SGCD: variants seen among roughly 807,000 people sequenced by gnomAD.
The protein encoded by SGCD is delta-sarcoglycan.
SGCD carries 18 observed loss-of-function variants against 36.6 expected under a neutral mutation model. The ratio of observed to expected loss-of-function variants is 0.49; its 90% CI spans 0.34 to 0.73. SGCD has a LOEUF of 0.73. Ranked by LOEUF, SGCD falls within the 30% of genes least tolerant of loss-of-function variation. The pLI is 0.01. For missense variants in SGCD, 387 were observed against 346.7 expected (o/e 1.12, Z -0.92); for synonymous variants, 133 against 130.6 (o/e 1.02, Z -0.12).
chr5:156,123,693 A>G (rs1221492925), intron 2 of SGCD, among the ~76,000 whole-genome samples: 1 of 152,144 alleles, frequency 6.6e-6, no homozygotes, highest in Non-Finnish European at 1.5e-5. Flanking sequence ...TCTTTAATTC[A>G]GTCAAGACTG....
chr5:156,197,544 A>T (rs2127635417), intron 3 of SGCD, among the ~76,000 whole-genome samples: 1 of 150,348 alleles, frequency 6.7e-6, no homozygotes, highest in South Asian at 2.1e-4. Context: ...AGAGCCAGAG[A>T]AGTAAAAGTG....
At chr5:156,179,658 A>G (rs1581150686) in intron 3 of SGCD, among the ~76,000 whole-genome samples, 1 of 131,930 alleles carries the variant, frequency 7.6e-6, no homozygotes, top group African/African-American at 2.9e-5. Flanking sequence ...TTCTCACTCT[A>G]TTGCCCAGGC....
chr5:156,353,217 A>G (rs1161356882), intron 3 of SGCD, among the ~76,000 whole-genome samples: 1 of 152,224 alleles, frequency 6.6e-6, no homozygotes, highest in Non-Finnish European at 1.5e-5. Flanking sequence ...CACTTAGAAT[A>G]TGTTTATTGA....
At position 156,489,708 on chromosome 5, in the gene SGCD, C is replaced by T. The variant is rs532782798; in HGVS notation, c.193-18893C>T. On this transcript the variant is annotated intron_variant, in intron 3 of 8. Coordinates refer to ENST00000337851, the MANE Select transcript of SGCD (RefSeq NM_000337.6). ...GAAACACAGCATACCTAAACCTATGCGATACAGGAAAAGCAGCACTAAGAG... is the reference window on the plus strand; with the variant it reads ...GAAACACAGCATACCTAAACCTATGTGATACAGGAAAAGCAGCACTAAGAG... Among the ~76,000 whole-genome samples, 15 of 151,874 alleles carry T rather than the reference C, an allele frequency of 9.9e-5. No homozygotes were observed. The South Asian group carries it at 2.1e-3, about 21-fold the overall frequency.
chr5:156,737,720 A>G (rs1048654910), intron 7 of SGCD, among the ~76,000 whole-genome samples: 5 of 152,180 alleles, frequency 3.3e-5, no homozygotes, highest in Admixed American at 2.0e-4. Flanking sequence ...CTCTTACATT[A>G]TAATCATATG....
chr5:156,245,575 G>A (rs1367160446), intron 3 of SGCD, among the ~76,000 whole-genome samples: 1 of 152,104 alleles, frequency 6.6e-6, no homozygotes, highest in African/African-American at 2.4e-5. Flanking sequence ...ATTCCTTAAT[G>A]TAAAGCAATA....
chr5:155,743,569 ATAAAT>A, the SGCD span, among the ~76,000 whole-genome samples: 1 of 152,220 alleles, frequency 6.6e-6, no homozygotes, highest in Non-Finnish European at 1.5e-5. Context: ...TCTTACAACA[ATAAAT>A]TAAAAACAAA....
intron 3 of SGCD, among the ~76,000 whole-genome samples, chr5:156,199,979 C>T: frequency 6.6e-6 from 1 of 152,072 alleles, no homozygotes; most frequent in East Asian, 1.9e-4. Context: ...TTCTAGGAAT[C>T]TACTAAAGGC....
intron 6 of SGCD, among the ~76,000 whole-genome samples, chr5:156,632,045 T>C (rs1762658275): frequency 6.6e-6 from 1 of 152,202 alleles, no homozygotes; most frequent in South Asian, 2.1e-4. Context: ...CACTGAGAAG[T>C]CTAGATATGA....
intron 3 of SGCD, among the ~76,000 whole-genome samples, chr5:156,345,355 C>T (rs1768891706): frequency 6.6e-6 from 1 of 151,908 alleles, no homozygotes; most frequent in Non-Finnish European, 1.5e-5. Context: ...AAAAGAAAAT[C>T]CTGAAAAATG....
chr5:156,602,438 T>A (rs1761236383), intron 6 of SGCD, among the ~76,000 whole-genome samples: 1 of 152,086 alleles, frequency 6.6e-6, no homozygotes, highest in Admixed American at 6.5e-5. Context: ...CTCCTTTCCA[T>A]TTTGTTTGTT....
intron 3 of SGCD, among the ~76,000 whole-genome samples, chr5:156,134,450 C>T (rs924085047): frequency 6.6e-6 from 1 of 152,094 alleles, no homozygotes; most frequent in Non-Finnish European, 1.5e-5. Flanking sequence ...CCAGTCTTTC[C>T]ACCAGCTTCA....
At chr5:155,728,945 C>T in the SGCD span, among the ~76,000 whole-genome samples, 1 of 152,236 alleles carries the variant, frequency 6.6e-6, no homozygotes, top group East Asian at 1.9e-4. Context: ...ACTCCGCGCG[C>T]ACCAGTCGGC....
At chr5:156,755,269 C>T (rs1231652208) in intron 7 of SGCD, among the ~76,000 whole-genome samples, 1 of 152,102 alleles carries the variant, frequency 6.6e-6, no homozygotes, top group Non-Finnish European at 1.5e-5. Flanking sequence ...AGGACTCTCA[C>T]CTTGGCAAGG....
At chr5:156,578,399 G>C (rs1561791244) in intron 4 of SGCD, among the ~76,000 whole-genome samples, 1 of 152,156 alleles carries the variant, frequency 6.6e-6, no homozygotes, top group Admixed American at 6.5e-5. Flanking sequence ...TCTCTGCCAG[G>C]CTTTGATATC....
At chr5:156,068,264 C>T (rs1004617838) in intron 1 of SGCD, among the ~76,000 whole-genome samples, 1 of 151,590 alleles carries the variant, frequency 6.6e-6, no homozygotes, top group Non-Finnish European at 1.5e-5. Flanking sequence ...TAAAGCTATC[C>T]CTCCCCCCTT....
At chr5:156,132,889 G>A (rs1762362606) in intron 3 of SGCD, among the ~76,000 whole-genome samples, 1 of 152,296 alleles carries the variant, frequency 6.6e-6, no homozygotes, top group East Asian at 1.9e-4. Context: ...TGTCAAACAT[G>A]GAGAGGATCA....
chr5:155,869,146 G>T (rs1380042804), upstream of SGCD, among the ~76,000 whole-genome samples: 1 of 152,074 alleles, frequency 6.6e-6, no homozygotes, highest in Admixed American at 6.5e-5. Flanking sequence ...ACTTTCAAGG[G>T]ATCAGCCATT....
chr5:156,501,107 C>T (rs1360195668), intron 3 of SGCD, among the ~76,000 whole-genome samples: 1 of 152,182 alleles, frequency 6.6e-6, no homozygotes, highest in African/African-American at 2.4e-5. Context: ...GAAGCCTTAA[C>T]CCCTCCTCGG....
Sources: allele counts gnomAD v4.1 joint callset (sites outside exome capture counted in the v4.1 genomes callset), GRCh38; gene constraint gnomAD v4.1.1; transcripts MANE v1.5; gene names NCBI Gene and HGNC (gene_info 2026-07-23, HGNC 2026-07-21).